The following SLC8A3 variants were observed in gnomAD, a reference collection of about 807,000 sequenced individuals.
SLC8A3 encodes the protein sodium/calcium exchanger 3.
A neutral mutation model predicts 65.4 loss-of-function variants in SLC8A3; 37 were observed. The observed-to-expected ratio is 0.57, with a 90% CI of 0.44 to 0.74. SLC8A3 has a LOEUF of 0.74. SLC8A3 is among the 30% of genes least tolerant of loss of function. The pLI, the probability that SLC8A3 is intolerant of heterozygous loss-of-function variation, is 0.00. For synonymous variants in SLC8A3, 461 were observed against 444.5 expected (o/e 1.04, Z -0.47); for missense variants, 1,112 against 1,172.1 (o/e 0.95, Z 0.75).
Position 70,163,061 on chromosome 14 carries a change from A to G in SLC8A3, c.1784+3578T>C, listed in dbSNP as rs116665574. On this transcript the variant is annotated intron_variant, in intron 2 of 6. Transcript: ENST00000356921. The stretch of plus-strand genomic sequence containing the variant: ...TAAGATCCTTGAGCGCTGAAATGTC[A>G]GCTTGTCTTATTCACTTATTTAACC... 6.3e-3 allele frequency among the ~76,000 whole-genome samples: 953 copies of G among 152,308 alleles called. 16 individuals carry two copies. The highest frequency in any genetic ancestry group is 0.022 in the African/African-American group (901 of 41,566).
chr14:70,058,025 C>CCTAT (rs1888361441), intron 3 of SLC8A3, among the ~76,000 whole-genome samples: 1 of 152,224 alleles, frequency 6.6e-6, no homozygotes, highest in African/African-American at 2.4e-5. Flanking sequence ...AACTGTGTTT[C>CCTAT]CTATTCAGTC....
rs758228384 is a variant in SLC8A3 at position 70,097,744 on chromosome 14, T to G, written c.1785-36805A>C. Reference sequence around the variant, plus strand: ...AGAACACAACAACATGCACACACACTCCAACAATCCAATGCAAACAACCAC... The same window carrying G: ...AGAACACAACAACATGCACACACACGCCAACAATCCAATGCAAACAACCAC... On this transcript the variant is annotated intron_variant, in intron 2 of 6. Coordinates refer to ENST00000356921, the MANE Select transcript of SLC8A3 (RefSeq NM_182932.3). Among the ~76,000 whole-genome samples, 23 of 152,050 alleles carry G rather than the reference T, an allele frequency of 1.5e-4. 1 individual carries two copies. Among genetic ancestry groups the G allele is most frequent in the Middle Eastern group, 3.4e-3 (1 of 292 alleles).
Position 70,046,156 on chromosome 14 carries a change from C to A in SLC8A3, c.2557G>T (p.Gly853Cys). The change falls in exon 7 of 7, where the codon GGC (glycine) becomes TGC (cysteine). Residue 853 changes from glycine to cysteine, a missense_variant. Gly to Cys is a radical substitution (Grantham distance 159). Transcript: ENST00000356921. This position sits in a 1 kb window ranked among gnomAD's most constrained non-coding sequence, Gnocchi z 4.2. The part of the protein sequence containing the change: ...LQGQEFHVSA[G>C]TLAFSVTLFT... Reference sequence around the variant, plus strand: ...AGGGTGACGGAGAAGGCCAGTGTGCCGGCCGACACGTGGAACTCCTGTCCC... The same window carrying A: ...AGGGTGACGGAGAAGGCCAGTGTGCAGGCCGACACGTGGAACTCCTGTCCC... 1.2e-6 allele frequency: 2 copies of A among 1,614,180 alleles called. No individual in the cohort carries two copies.
chr14:70,114,884 A>G (rs1254365061), intron 2 of SLC8A3, among the ~76,000 whole-genome samples: 1 of 152,150 alleles, frequency 6.6e-6, no homozygotes. Flanking sequence ...ACAGAGTCGG[A>G]GCGGTGGTGT....
At chr14:70,153,689 C>T (rs140295686) in intron 2 of SLC8A3, among the ~76,000 whole-genome samples, 92 of 152,260 alleles carry the variant, frequency 6.0e-4, no homozygotes, top group African/African-American at 1.9e-3. Context: ...ATACATTGAG[C>T]GATAGACACT....
intron 2 of SLC8A3, among the ~76,000 whole-genome samples, chr14:70,092,718 T>A (rs1236611578): frequency 6.6e-6 from 1 of 152,114 alleles, no homozygotes; most frequent in East Asian, 1.9e-4. Context: ...TCCAGCCCAG[T>A]GGAGGGAACC....
intron 2 of SLC8A3, among the ~76,000 whole-genome samples, chr14:70,157,650 T>C (rs953484977): frequency 2.0e-5 from 3 of 152,098 alleles, no homozygotes; most frequent in Non-Finnish European, 4.4e-5. Context: ...AGAAAACATG[T>C]CACCCAGGAG....
intron 2 of SLC8A3, among the ~76,000 whole-genome samples, chr14:70,062,695 C>T (rs1215667742): frequency 6.6e-6 from 1 of 152,186 alleles, no homozygotes; most frequent in Non-Finnish European, 1.5e-5. Context: ...TTTTTGGGTA[C>T]TTCTTTTGAC....
chr14:70,077,758 C>T (rs1475434922), intron 2 of SLC8A3, among the ~76,000 whole-genome samples: 4 of 152,202 alleles, frequency 2.6e-5, no homozygotes, highest in Non-Finnish European at 4.4e-5. Context: ...TTCTCAAGTT[C>T]CTTTTGCACT....
chr14:70,176,788 T>G (rs1897935564), intron 1 of SLC8A3, among the ~76,000 whole-genome samples: 1 of 152,244 alleles, frequency 6.6e-6, no homozygotes, highest in Non-Finnish European at 1.5e-5. Context: ...TGGTTTATAC[T>G]TGTACTCATG....
At chr14:70,124,267 T>C (rs1894285844) in intron 2 of SLC8A3, among the ~76,000 whole-genome samples, 1 of 152,228 alleles carries the variant, frequency 6.6e-6, no homozygotes, top group Non-Finnish European at 1.5e-5. Flanking sequence ...CACAAGTTGA[T>C]AATGTCTGCT....
At chr14:70,120,110 A>G (rs1164811181) in intron 2 of SLC8A3, among the ~76,000 whole-genome samples, 1 of 152,222 alleles carries the variant, frequency 6.6e-6, no homozygotes, top group Admixed American at 6.5e-5. Flanking sequence ...TGGAGCCAAT[A>G]CGATGGAAGC....
Position 70,168,150 on chromosome 14 carries a change from C to T in SLC8A3, c.273G>A (p.Val91=). ...FVALIYMFLG[V]SIIADRFMAS... The stretch of plus-strand genomic sequence containing the variant: ...CCATGAAGCGGTCAGCAATGATGGA[C>T]ACCCCAAGGAACATGTATATCAGGG... Residue 91 remains valine (V), a synonymous_variant, in exon 2 of 7, where the codon GTG becomes GTA. Transcript: ENST00000356921. 6.2e-7 allele frequency: 1 copy of T among 1,614,136 alleles called. No homozygotes were observed. The highest frequency in any genetic ancestry group is 8.5e-7 in the Non-Finnish European group (1 of 1,180,014).
chr14:70,063,863 C>T (rs188134459), intron 2 of SLC8A3: 1 of 1,612,566 alleles, frequency 6.2e-7, no homozygotes, highest in African/African-American at 1.3e-5. Flanking sequence ...GGCCCATCAT[C>T]TCAATGAAGT....
At chr14:70,139,009 A>T (rs1003861391) in intron 2 of SLC8A3, among the ~76,000 whole-genome samples, 5 of 152,210 alleles carry the variant, frequency 3.3e-5, no homozygotes, top group Admixed American at 3.3e-4. Context: ...TGCTGTCCCA[A>T]TGTTGGCAAT....
At chr14:70,155,930 G>A (rs531354913) in intron 2 of SLC8A3, among the ~76,000 whole-genome samples, 1 of 152,280 alleles carries the variant, frequency 6.6e-6, no homozygotes, top group South Asian at 2.1e-4. Flanking sequence ...GTCCACACAG[G>A]TTAATTAAAA....
At chr14:70,135,560 TA>T (rs566660864) in intron 2 of SLC8A3, among the ~76,000 whole-genome samples, 84 of 151,942 alleles carry the variant, frequency 5.5e-4, no homozygotes, top group African/African-American at 2.0e-3. Flanking sequence ...CATTTAGCCA[TA>T]AAAAAATAAA....
intron 2 of SLC8A3, among the ~76,000 whole-genome samples, chr14:70,103,769 TAAC>T (rs1208664364): frequency 6.6e-6 from 1 of 151,832 alleles, no homozygotes; most frequent in African/African-American, 2.4e-5. Flanking sequence ...ATGTGACAAA[TAAC>T]AAGACGGTAG....
chr14:70,133,394 T>A (rs1032891696), intron 2 of SLC8A3, among the ~76,000 whole-genome samples: 1 of 152,102 alleles, frequency 6.6e-6, no homozygotes, highest in African/African-American at 2.4e-5. Flanking sequence ...ACCTCCTCCT[T>A]CACTGTCACC....
Sources: gnomAD v4.1 joint callset for allele counts (sites outside exome capture counted in the v4.1 genomes callset) on GRCh38, gnomAD v4.1.1 for gene constraint, Gnocchi (gnomAD v3.1) non-coding constraint, MANE v1.5 for transcripts, NCBI Gene and HGNC (gene_info 2026-07-23, HGNC 2026-07-21) for gene names.